ARHGEF10: variants seen among roughly 807,000 people sequenced by gnomAD.
ARHGEF10 encodes Rho guanine nucleotide exchange factor (GEF) 10.
In ARHGEF10, 140 loss-of-function variants were observed where a neutral mutation model predicts 147.4. The observed-to-expected ratio is 0.95, with a 90% CI of 0.83 to 1.09. ARHGEF10 has a LOEUF of 1.09. Among genes scored for constraint, ARHGEF10 ranks in the 50% least tolerant of loss-of-function variants. The pLI, the probability that ARHGEF10 is intolerant of heterozygous loss-of-function variation, is 0.00. For synonymous variants in ARHGEF10, 902 were observed against 695.8 expected, an observed-to-expected ratio of 1.30 and a Z score of -4.67; for missense variants, 2,222 against 1,752.7, an observed-to-expected ratio of 1.27 and a Z score of -4.78.
intron 25 of ARHGEF10, 63 bp downstream of exon 25, chr8:1,929,506 G>T: frequency 6.6e-7 from 1 of 1,526,362 alleles, no homozygotes; most frequent in Non-Finnish European, 8.8e-7. Flanking sequence ...CTGTGCATCC[G>T]GTTTAGCCTC....
intron 24 of ARHGEF10, among the ~76,000 whole-genome samples, chr8:1,928,992 C>T (rs1415499943): frequency 6.6e-6 from 1 of 152,176 alleles, no homozygotes; most frequent in African/African-American, 2.4e-5. Flanking sequence ...ATGTCATGAT[C>T]ATACTGAATT....
At position 1,952,797 on chromosome 8, in the gene ARHGEF10, C is replaced by T. The variant is rs1747816107; in HGVS notation, c.3490C>T (p.Pro1164Ser). The T allele has an allele frequency of 6.2e-7, 1 of 1,613,742 alleles. No homozygotes were observed. The highest frequency in any genetic ancestry group is 1.3e-5 in the African/African-American group (1 of 74,934). ...SLGVLVALPVPRLQGIPKVTG... is the reference protein window; with the variant it reads ...SLGVLVALPVSRLQGIPKVTG... ...GGGAGTCCTCGTGGCCCTGCCGGTC[C>T]CACGTCTGCAAGGGATTCCCAAAGT... Residue 1164 changes from proline (P) to serine (S), a missense_variant, in exon 28 of 29, where the codon CCA becomes TCA. Physicochemically the swap from Pro to Ser is moderately conservative, Grantham distance 74 (BLOSUM62 -1). Coordinates refer to ENST00000349830, the MANE Select transcript of ARHGEF10 (RefSeq NM_014629.4).
At chr8:1,859,230 G>T (rs1180440784) in intron 3 of ARHGEF10, among the ~76,000 whole-genome samples, 5 of 151,130 alleles carry the variant, frequency 3.3e-5, no homozygotes, top group Non-Finnish European at 7.4e-5. Flanking sequence ...CTGCCTCTCG[G>T]TTGTTTGCCC....
intron 15 of ARHGEF10, among the ~76,000 whole-genome samples, chr8:1,902,662 C>T (rs942072502): frequency 2.6e-5 from 4 of 152,114 alleles, no homozygotes; most frequent in Admixed American, 6.5e-5. Flanking sequence ...TGCGTGGCCA[C>T]GCAGCCACTG....
rs557754398 is a variant in ARHGEF10, at chr8:1,957,697, C to A, written c.*434C>A. On this transcript the variant is annotated 3_prime_UTR_variant, in exon 29 of 29. Transcript: ENST00000349830. Reference sequence around the variant, plus strand: ...TATTAACAATTCTTAAAAGTTTTACCTGATTCAGATTCACGACTTTTATTT... The same window carrying A: ...TATTAACAATTCTTAAAAGTTTTACATGATTCAGATTCACGACTTTTATTT... 7.6e-4 allele frequency: 123 copies of A among 161,666 alleles called. No homozygotes were observed. Among genetic ancestry groups the A allele is most frequent in the African/African-American group, 2.8e-3 (116 of 41,748 alleles). 10.0% of individuals were successfully genotyped at this position (161,666 alleles called of 1,614,324 possible).
At chr8:1,856,680 G>A (rs1026617875) in intron 2 of ARHGEF10, among the ~76,000 whole-genome samples, 5 of 152,182 alleles carry the variant, frequency 3.3e-5, no homozygotes, top group African/African-American at 1.2e-4. Flanking sequence ...GCCTGCAGCC[G>A]AGCTGGGCCG....
Position 1,889,433 on chromosome 8 carries a change from C to A in ARHGEF10, c.1182+3726C>A, listed in dbSNP as rs527430989. On this transcript the variant is annotated intron_variant, in intron 11 of 28. Transcript: ENST00000349830. ...GGAGACACTGAGTGGGGTGAGGGGTCTGTGAGGAGACACTGAGTGGGGTGA... is the reference window on the plus strand; with the variant it reads ...GGAGACACTGAGTGGGGTGAGGGGTATGTGAGGAGACACTGAGTGGGGTGA... Among the ~76,000 whole-genome samples, 138 of 29,670 alleles carry A rather than the reference C, an allele frequency of 4.7e-3. 10 individuals carry two copies. The highest frequency in any genetic ancestry group is 0.027 in the African/African-American group (126 of 4,722). The allele number at this position is 29,670 out of a possible 152,430, so 19.5% of individuals were successfully genotyped here. A position where few individuals can be genotyped will look rare whatever the true frequency, so the allele number is the denominator to read the frequency against.
intron 2 of ARHGEF10, among the ~76,000 whole-genome samples, chr8:1,856,237 T>C (rs1225534912): frequency 6.6e-6 from 1 of 152,226 alleles, no homozygotes; most frequent in Admixed American, 6.5e-5. Context: ...TGAATCCTTT[T>C]TCTTGATTCA....
At chr8:1,859,262 C>G (rs1005431527) in intron 3 of ARHGEF10, among the ~76,000 whole-genome samples, 2 of 151,188 alleles carry the variant, frequency 1.3e-5, no homozygotes, top group Non-Finnish European at 2.9e-5. Flanking sequence ...GGCCATAGCA[C>G]CTGCCTCTTG....
At chr8:1,838,133 G>A (rs549132654) in intron 1 of ARHGEF10, among the ~76,000 whole-genome samples, 4 of 152,218 alleles carry the variant, frequency 2.6e-5, no homozygotes, top group Non-Finnish European at 5.9e-5. Context: ...AACAGACCTT[G>A]GGCTGGGATC....
intron 28 of ARHGEF10, among the ~76,000 whole-genome samples, chr8:1,953,633 T>TTTAATTC (rs1410688852): frequency 6.6e-5 from 10 of 151,800 alleles, no homozygotes; most frequent in African/African-American, 1.9e-4. Context: ...GCATTTAATT[T>TTTAATTC]TTAACAGCAC....
intron 12 of ARHGEF10, 104 bp from the exon 13 acceptor site, chr8:1,894,289 G>T: frequency 2.5e-6 from 3 of 1,191,994 alleles, no homozygotes; most frequent in South Asian, 2.6e-5. Flanking sequence ...GTTTGAGGCT[G>T]CAGTGAGCCA....
intron 16 of ARHGEF10, among the ~76,000 whole-genome samples, 183 bp from the exon 17 acceptor site, chr8:1,905,388 G>C (rs1408641622): frequency 2.0e-5 from 3 of 152,184 alleles, no homozygotes; most frequent in Non-Finnish European, 2.9e-5. Context: ...AGGGCCAACT[G>C]CGGTGAAAGT....
At chr8:1,905,319 A>T (rs994117317) in intron 16 of ARHGEF10, among the ~76,000 whole-genome samples, 1 of 152,240 alleles carries the variant, frequency 6.6e-6, no homozygotes, top group Non-Finnish European at 1.5e-5. Flanking sequence ...AAGTAAAATT[A>T]CAAAACAATT....
At chr8:1,843,885 C>G (rs1015088352) in intron 2 of ARHGEF10, among the ~76,000 whole-genome samples, 1 of 152,200 alleles carries the variant, frequency 6.6e-6, no homozygotes, top group Non-Finnish European at 1.5e-5. Context: ...CACGCCCTCT[C>G]TATCCATATG....
chr8:1,904,259 A>G (rs13280012), intron 16 of ARHGEF10: 33,861 of 152,184 alleles, frequency 0.22, 4,193 homozygotes, highest in Middle Eastern at 0.32. Context: ...CAGTACTCTG[A>G]ATTTATGTGG....
At chr8:1,952,872 G>C in intron 28 of ARHGEF10, 45 bp downstream of exon 28, 2 of 1,612,890 alleles carry the variant, frequency 1.2e-6, no homozygotes, top group Non-Finnish European at 1.7e-6. Flanking sequence ...TGTCTTGCAG[G>C]CTCGTGGAGC....
At chr8:1,848,537 T>C (rs1804729905) in intron 2 of ARHGEF10, among the ~76,000 whole-genome samples, 1 of 152,216 alleles carries the variant, frequency 6.6e-6, no homozygotes, top group African/African-American at 2.4e-5. Flanking sequence ...GTTTATTCAG[T>C]GAATGTTGTA....
intron 18 of ARHGEF10, among the ~76,000 whole-genome samples, chr8:1,917,094 A>G (rs139265932): frequency 6.0e-4 from 92 of 152,358 alleles, no homozygotes; most frequent in African/African-American, 2.2e-3. Context: ...CTAGACCACT[A>G]CGAACAGTGA....
Sources: allele counts gnomAD v4.1 joint callset (sites outside exome capture counted in the v4.1 genomes callset), GRCh38; gene constraint gnomAD v4.1.1; transcripts MANE v1.5; gene names NCBI Gene and HGNC (gene_info 2026-07-23, HGNC 2026-07-21).